The following ACP1 variants were observed in gnomAD, a reference collection of about 807,000 sequenced individuals.
ACP1 encodes low molecular weight phosphotyrosine protein phosphatase.
In ACP1, 23 loss-of-function variants were observed where a neutral mutation model predicts 23.4. The ratio of observed to expected loss-of-function variants is 0.98; its 90% CI spans 0.71 to 1.39. ACP1 has a LOEUF of 1.39. Ranked by LOEUF, ACP1 falls within the 40% of genes most tolerant of loss-of-function variation. ACP1 has a pLI of 0.00. For missense variants in ACP1, 180 were observed against 197.7 expected (o/e 0.91, Z 0.54); for synonymous variants, 72 against 67.2 (o/e 1.07, Z -0.35).
chr2:265,241 G>T lies in ACP1; in HGVS notation c.43+234G>T, dbSNP rs3020766. On this transcript the variant is annotated intron_variant, in intron 1 of 5. Coordinates refer to ENST00000272065, the MANE Select transcript of ACP1 (RefSeq NM_004300.4). ...CCCTCGCGCCTGCCATATATCCGGG[G>T]CTCTTGGCATCTGCAGCCACAGCCC... is the stretch of plus-strand genomic sequence containing the variant. The T allele has an allele frequency of 2.8e-3, 1,395 of 495,180 alleles. 18 individuals carry two copies. The highest frequency in any genetic ancestry group is 0.026 in the African/African-American group (1,284 of 49,134). 30.7% of individuals were successfully genotyped at this position (495,180 alleles called of 1,614,324 possible).
At chr2:267,431 G>T (rs907677456) in intron 1 of ACP1, among the ~76,000 whole-genome samples, 1 of 152,228 alleles carries the variant, frequency 6.6e-6, no homozygotes, top group Non-Finnish European at 1.5e-5. Context: ...GCAGTTTTGA[G>T]TGGGATGGTC....
chr2:276,991 G>C lies in ACP1; in HGVS notation c.305G>C (p.Arg102Thr), dbSNP rs1057353554. The C allele has an allele frequency of 3.1e-6, 5 of 1,598,328 alleles. No homozygotes were observed. The highest frequency in any genetic ancestry group is 3.4e-6 in the Non-Finnish European group (4 of 1,170,668). Residue 102 changes from arginine to threonine, a missense_variant, in exon 5 of 6, where the codon AGA becomes ACA. Around this residue, in one of 3 missense-constraint regions of ACP1, gnomAD observed 13 missense variants for 33.0 expected, o/e 0.39. Transcript: ENST00000272065. ...TTTCAATTTTACAGAGATTTGAATA[G>C]AAAAAGTAATCAAGTTAAAACCTGC... The part of the protein sequence containing the change: ...MDESNLRDLN[R>T]KSNQVKTCKA...
chr2:264,976 G>A lies in ACP1; in HGVS notation c.12G>A (p.Gln4=), dbSNP rs765536704. Residue 4 remains glutamine, a synonymous_variant, in exon 1 of 6, where the codon CAG becomes CAA. Coordinates refer to ENST00000272065, the MANE Select transcript of ACP1 (RefSeq NM_004300.4). Reference sequence around the variant, plus strand: ...CTGCGCGCGGGAAGATGGCGGAACAGGCTACCAAGTCCGTGCTGTTTGTGT... The same window carrying A: ...CTGCGCGCGGGAAGATGGCGGAACAAGCTACCAAGTCCGTGCTGTTTGTGT... MAE[Q]ATKSVLFVCL... 8.1e-6 allele frequency: 13 copies of A among 1,613,046 alleles called. No individual in the cohort carries two copies. The highest frequency in any genetic ancestry group is 1.1e-5 in the South Asian group (1 of 90,952).
chr2:269,419 A>C, intron 1 of ACP1: 1 of 457,214 alleles, frequency 2.2e-6, no homozygotes, highest in Non-Finnish European at 4.5e-6. Flanking sequence ...GGTTTTCTGA[A>C]CTAGGGAATT....
intron 1 of ACP1, among the ~76,000 whole-genome samples, chr2:271,466 A>G (rs1448214295): frequency 6.6e-6 from 1 of 152,172 alleles, no homozygotes; most frequent in Non-Finnish European, 1.5e-5. Context: ...TCCTGAGTCT[A>G]CTGAGGGACA....
chr2:270,039 C>A (rs1258392890), intron 1 of ACP1, among the ~76,000 whole-genome samples: 1 of 152,196 alleles, frequency 6.6e-6, no homozygotes, highest in East Asian at 1.9e-4. Context: ...TCCACTCTGA[C>A]ACTGTCTTGT....
At chr2:271,218 G>T (rs1462193427) in intron 1 of ACP1, among the ~76,000 whole-genome samples, 1 of 152,024 alleles carries the variant, frequency 6.6e-6, no homozygotes, top group African/African-American at 2.4e-5. Flanking sequence ...TGATATACTT[G>T]AAAATACATA....
Position 264,949 on chromosome 2 carries a change from C to T in ACP1, c.-16C>T, listed in dbSNP as rs1669799889. 2 of 1,612,068 alleles carry T rather than the reference C, an allele frequency of 1.2e-6. No homozygotes were observed. The highest frequency in any genetic ancestry group is 2.2e-5 in the South Asian group (2 of 90,848). On this transcript the variant is annotated 5_prime_UTR_variant, in exon 1 of 6. Transcript: ENST00000272065. ...GCGGAACGCCGCGGTGTCTCGGCGC[C>T]TCTGCGCGCGGGAAGATGGCGGAAC...
intron 4 of ACP1, among the ~76,000 whole-genome samples, chr2:276,761 T>C (rs1300710758): frequency 3.9e-5 from 6 of 152,136 alleles, no homozygotes; most frequent in Non-Finnish European, 8.8e-5. Context: ...ACAGAATCAG[T>C]GAGAATAAGC....
intron 3 of ACP1, among the ~76,000 whole-genome samples, chr2:274,382 G>A (rs942973145): frequency 1.3e-5 from 2 of 152,026 alleles, no homozygotes; most frequent in African/African-American, 4.8e-5. Context: ...TATAGTAGTC[G>A]AAATTCACAA....
In ACP1 at chr2:278,189, T is replaced by G. The variant is rs1670229188; in HGVS notation, c.*885T>G. 6.6e-5 allele frequency: 10 copies of G among 152,378 alleles called. No homozygotes were observed. Among genetic ancestry groups the G allele is most frequent in the Admixed American group, 5.9e-4 (9 of 15,308 alleles). 9.4% of individuals were successfully genotyped at this position (152,378 alleles called of 1,614,324 possible). On this transcript the variant is annotated 3_prime_UTR_variant, in exon 6 of 6. Transcript: ENST00000272065. ...AGCATTTAATAAATGTATAGGCAGA[T>G]GTAAGGTAATTTCTGTGTATTTTGA... is the stretch of plus-strand genomic sequence containing the variant.
At chr2:271,288 TAATC>T (rs1160206365) in intron 1 of ACP1, among the ~76,000 whole-genome samples, 1 of 152,182 alleles carries the variant, frequency 6.6e-6, no homozygotes, top group Non-Finnish European at 1.5e-5. Flanking sequence ...GGAATTTTTT[TAATC>T]AAGCACAGAT....
intron 1 of ACP1, among the ~76,000 whole-genome samples, chr2:266,871 G>A (rs917735762): frequency 1.3e-5 from 2 of 151,742 alleles, no homozygotes; most frequent in African/African-American, 2.4e-5. Flanking sequence ...TCTCTTTGCC[G>A]TATCTGAATT....
Position 271,085 on chromosome 2 carries a change from C to T in ACP1, c.44-781C>T, listed in dbSNP as rs367887673. ...GGGCTGCTAATGCCTGGATCTGTATCCCTGGGCTCAGGGCTTTGCATGTGA... is the reference window on the plus strand; with the variant it reads ...GGGCTGCTAATGCCTGGATCTGTATTCCTGGGCTCAGGGCTTTGCATGTGA... On this transcript the variant is annotated intron_variant, in intron 1 of 5. Coordinates refer to ENST00000272065, the MANE Select transcript of ACP1 (RefSeq NM_004300.4). 3.6e-4 allele frequency among the ~76,000 whole-genome samples: 55 copies of T among 152,196 alleles called. No individual in the cohort carries two copies. The South Asian group carries it at 0.01, about 29-fold the overall frequency.
intron 1 of ACP1, among the ~76,000 whole-genome samples, chr2:270,531 T>C (rs867305704): frequency 3.3e-5 from 5 of 152,192 alleles, no homozygotes; most frequent in Admixed American, 6.5e-5. Context: ...TTTTGCTTTG[T>C]AGCATCGTTC....
Position 272,081 on chromosome 2 carries a change from C to A in ACP1, c.162C>A (p.Asn54Lys), listed in dbSNP as rs756773597. The A allele has an allele frequency of 2.2e-5, 35 of 1,613,954 alleles. No individual in the cohort carries two copies. The highest frequency in any genetic ancestry group is 1.8e-5 in the Non-Finnish European group (21 of 1,179,948). ...CAACTTCCGGGTATGAGATAGGGAACCCCCCTGACTACCGAGGGCAGAGCT... is the reference window on the plus strand; with the variant it reads ...CAACTTCCGGGTATGAGATAGGGAAACCCCCTGACTACCGAGGGCAGAGCT... ...SAATSGYEIGNPPDYRGQSCM... is the reference protein window; with the variant it reads ...SAATSGYEIGKPPDYRGQSCM... The change falls in exon 3 of 6, where the codon AAC (asparagine) becomes AAA (lysine). Residue 54 changes from asparagine (N) to lysine (K), a missense_variant. This residue lies in a region of ACP1 where 132 missense variants were observed against 124.1 expected (regional missense o/e 1.06). Transcript: ENST00000272065.
chr2:265,543 G>T (rs141627989), intron 1 of ACP1, among the ~76,000 whole-genome samples: 199 of 152,264 alleles, frequency 1.3e-3, no homozygotes, highest in Non-Finnish European at 2.4e-3. Flanking sequence ...CATGAAAAAT[G>T]AAAGTGTATT....
chr2:265,214 TC>T, intron 1 of ACP1: 1 of 519,444 alleles, frequency 1.9e-6, no homozygotes. Context: ...TAAACCTGGG[TC>T]CCCTCGCGCC....
At position 272,193 on chromosome 2, in the gene ACP1, G is replaced by A. The variant is rs1404157202; in HGVS notation, c.231+43G>A. The A allele has an allele frequency of 1.9e-6, 3 of 1,614,138 alleles. No homozygotes were observed. In the East Asian group the frequency reaches 6.7e-5, roughly 36 times the overall value. The stretch of plus-strand genomic sequence containing the variant: ...GAAGTTGTGTGTTTTGTGTTTCAGT[G>A]GGTCATTGACAGCGGTGCTGTTTCT... On this transcript the variant is annotated intron_variant, in intron 3 of 5. Transcript: ENST00000272065.
Sources: allele counts gnomAD v4.1 joint callset (sites outside exome capture counted in the v4.1 genomes callset), GRCh38; gene constraint gnomAD v4.1.1; regional missense constraint gnomAD v4.1.1; transcripts MANE v1.5; gene names NCBI Gene and HGNC (gene_info 2026-07-23, HGNC 2026-07-21).